Variants in MEMO1 observed in about 807,000 individuals in gnomAD.
MEMO1 encodes the protein protein MEMO1.
MEMO1 carries 6 observed loss-of-function variants against 45.2 expected under a neutral mutation model. The ratio of observed to expected loss-of-function variants is 0.13; its 90% CI spans 0.07 to 0.26. The LOEUF is 0.26. Among genes scored for constraint, MEMO1 ranks in the 10% least tolerant of loss-of-function variants. The pLI, the probability that MEMO1 is intolerant of heterozygous loss-of-function variation, is 1.00. For synonymous variants in MEMO1, 78 were observed against 124.3 expected (o/e 0.63, Z 2.48); for missense variants, 184 against 370.5 (o/e 0.50, Z 4.13).
rs1364159353 is a variant in MEMO1 at position 31,979,522 on chromosome 2, A to G, written c.61+30665T>C. 2.0e-5 allele frequency among the ~76,000 whole-genome samples: 3 copies of G among 152,148 alleles called. No individual in the cohort carries two copies. In the East Asian group the frequency reaches 5.8e-4, roughly 29 times the overall value. ...ATATATTTAATTCCTGTTTTTCAGA[A>G]AATCATCAAAATTTGTGAATCTGCT... On this transcript the variant is annotated intron_variant, in intron 2 of 9. Transcript: ENST00000404530.
chr2:31,936,630 C>T (rs1572737516), intron 3 of MEMO1, among the ~76,000 whole-genome samples: 1 of 152,276 alleles, frequency 6.6e-6, no homozygotes, highest in East Asian at 1.9e-4. Context: ...AGCAACCTTC[C>T]AATGTGGGTA....
chr2:31,886,277 T>G (rs1240743899), intron 7 of MEMO1, among the ~76,000 whole-genome samples: 4 of 152,216 alleles, frequency 2.6e-5, no homozygotes. Context: ...AATCGTCTCA[T>G]GGTAATTTTT....
intron 6 of MEMO1, among the ~76,000 whole-genome samples, chr2:31,911,931 A>AC (rs1680625238): frequency 6.6e-6 from 1 of 152,230 alleles, no homozygotes; most frequent in Non-Finnish European, 1.5e-5. Context: ...CTCATGAGCA[A>AC]CCACACCCAG....
chr2:31,987,067 G>C (rs1438306285), intron 2 of MEMO1, among the ~76,000 whole-genome samples: 2 of 152,158 alleles, frequency 1.3e-5, no homozygotes, highest in Non-Finnish European at 2.9e-5. Context: ...GCACTGACAG[G>C]ATCAAAGCTG....
intron 4 of MEMO1, among the ~76,000 whole-genome samples, chr2:31,923,027 T>C (rs1265224754): frequency 6.6e-6 from 1 of 152,152 alleles, no homozygotes; most frequent in Non-Finnish European, 1.5e-5. Flanking sequence ...ACTTCTGTTT[T>C]AAGTTCTTTG....
chr2:32,005,184 G>A (rs1351866642), intron 2 of MEMO1, among the ~76,000 whole-genome samples: 2 of 151,956 alleles, frequency 1.3e-5, no homozygotes, highest in Non-Finnish European at 2.9e-5. Context: ...GCCAGGTGCA[G>A]TGGCTCACAC....
At chr2:31,889,232 T>C (rs534329358) in intron 7 of MEMO1, among the ~76,000 whole-genome samples, 6 of 152,062 alleles carry the variant, frequency 3.9e-5, no homozygotes, top group Non-Finnish European at 7.4e-5. Context: ...TGTAGCTGAG[T>C]AATTTTTCAA....
At chr2:31,933,129 T>C (rs1215447198) in intron 3 of MEMO1, among the ~76,000 whole-genome samples, 2 of 150,994 alleles carry the variant, frequency 1.3e-5, no homozygotes, top group African/African-American at 2.4e-5. Context: ...CAAACAAAAA[T>C]AGCTTATTCT....
chr2:31,947,921 A>T (rs921413897), intron 2 of MEMO1, among the ~76,000 whole-genome samples: 11 of 152,180 alleles, frequency 7.2e-5, no homozygotes, highest in Non-Finnish European at 1.2e-4. Flanking sequence ...ATACTTCTCT[A>T]TCGCTGTTTA....
At chr2:31,922,417 C>T (rs910569813) in intron 4 of MEMO1, among the ~76,000 whole-genome samples, 1 of 151,356 alleles carries the variant, frequency 6.6e-6, no homozygotes, top group Non-Finnish European at 1.5e-5. Context: ...TAAGACAGCA[C>T]ATACAGCAAA....
intron 6 of MEMO1, chr2:31,893,318 G>T: frequency 8.4e-7 from 1 of 1,194,956 alleles, no homozygotes; most frequent in Non-Finnish European, 1.1e-6. Flanking sequence ...GGCAGAATCT[G>T]CATCTATGGA....
chr2:32,004,824 T>G (rs1237235072), intron 2 of MEMO1, among the ~76,000 whole-genome samples: 2 of 151,274 alleles, frequency 1.3e-5, no homozygotes, highest in East Asian at 3.9e-4. Flanking sequence ...CTACTCGGGA[T>G]GCTGAGGCAG....
rs142940443 is a variant in MEMO1 at position 31,871,633 on chromosome 2, T to G, written c.658-1681A>C. ...AATCAGTTTGTAATGCTAAGTTGGT[T>G]GTCCCCTGCCAATCACAGGACTTCC... On this transcript the variant is annotated intron_variant, in intron 8 of 9. Coordinates refer to ENST00000404530, the MANE Select transcript of MEMO1 (RefSeq NM_001301833.4). Among the ~76,000 whole-genome samples the G allele has an allele frequency of 4.6e-4, 70 of 152,298 alleles. 1 individual carries two copies. In the East Asian group the frequency reaches 0.013, roughly 28 times the overall value.
At chr2:31,943,243 C>A (rs373798777) in intron 3 of MEMO1, 59 bp downstream of exon 3, 2 of 1,289,630 alleles carry the variant, frequency 1.6e-6, no homozygotes, top group Non-Finnish European at 2.2e-6. Flanking sequence ...TCAGCCTGGG[C>A]GACACAGGGA....
intron 2 of MEMO1, among the ~76,000 whole-genome samples, chr2:32,001,231 G>GGGT (rs1255250652): frequency 1.3e-5 from 2 of 151,558 alleles, no homozygotes; most frequent in African/African-American, 4.8e-5. Flanking sequence ...AGTAGAGACG[G>GGGT]GGTTTCACCG....
intron 8 of MEMO1, among the ~76,000 whole-genome samples, chr2:31,874,650 C>G (rs1055169637): frequency 1.3e-5 from 2 of 151,806 alleles, no homozygotes; most frequent in African/African-American, 4.8e-5. Context: ...AAATTTTATA[C>G]TTAGTTTCTT....
Position 31,933,334 on chromosome 2 carries a change from AAAAAAAAAAAAAAAATT to A in MEMO1, c.144-1216_144-1200del, listed in dbSNP as rs1558514036. 3.6e-4 allele frequency among the ~76,000 whole-genome samples: 21 copies of A among 58,334 alleles called. 2 individuals are homozygous for A. Among genetic ancestry groups the A allele is most frequent in the South Asian group, 7.6e-4 (1 of 1,314 alleles). 38.3% of individuals were successfully genotyped at this position (58,334 alleles called of 152,430 possible). A position where few individuals can be genotyped will look rare whatever the true frequency, so the allele number is the denominator to read the frequency against. On this transcript the variant is annotated intron_variant, in intron 3 of 9. Coordinates refer to ENST00000404530, the MANE Select transcript of MEMO1 (RefSeq NM_001301833.4). Reference sequence around the variant, plus strand: ...CACCTCTTTAAAAAAAAAAAAAAAAAAAAAAAAAAAAAAAATTTATATATATATATATATATATATAT... The same window carrying A: ...CACCTCTTTAAAAAAAAAAAAAAAAATATATATATATATATATATATATAT...
At chr2:31,938,658 A>T (rs1665224065) in intron 3 of MEMO1, among the ~76,000 whole-genome samples, 1 of 152,162 alleles carries the variant, frequency 6.6e-6, no homozygotes. Context: ...AAAATAAAAA[A>T]ATAAAAAATA....
chr2:31,913,709 C>T (rs925956122), intron 6 of MEMO1, among the ~76,000 whole-genome samples: 2 of 152,046 alleles, frequency 1.3e-5, no homozygotes, highest in Non-Finnish European at 2.9e-5. Flanking sequence ...CAGATACGGT[C>T]AAGACTAGTT....
Sources: allele counts gnomAD v4.1 joint callset (sites outside exome capture counted in the v4.1 genomes callset), GRCh38; gene constraint gnomAD v4.1.1; transcripts MANE v1.5; gene names NCBI Gene and HGNC (gene_info 2026-07-23, HGNC 2026-07-21).